COL4A6: variants seen among roughly 807,000 people sequenced by gnomAD.
COL4A6 encodes the protein collagen type IV alpha 6 chain, also known as collagen alpha-6(IV) chain.
A neutral mutation model predicts 126.7 loss-of-function variants in COL4A6; 59 were observed. The observed-to-expected ratio is 0.47, with a 90% CI of 0.38 to 0.58. The LOEUF (loss-of-function observed/expected upper bound fraction) is 0.58. Ranked by LOEUF, COL4A6 falls within the 20% of genes least tolerant of loss-of-function variation. COL4A6 has a pLI of 0.00. For missense variants in COL4A6, 1,285 were observed against 1,337.3 expected, an observed-to-expected ratio of 0.96 and a Z score of 0.61; for synonymous variants, 547 against 496.6, an observed-to-expected ratio of 1.10 and a Z score of -1.35.
At chrX:108,365,359 A>G (rs1181964344) in intron 2 of COL4A6, among the ~76,000 whole-genome samples, 2 of 112,221 alleles carry the variant, frequency 1.8e-5, no homozygotes, top group Admixed American at 9.5e-5. Flanking sequence ...GATGAAAGGA[A>G]GGAAGCAATG....
intron 3 of COL4A6, among the ~76,000 whole-genome samples, chrX:108,279,116 T>A (rs2037716236): frequency 8.9e-6 from 1 of 111,929 alleles, no homozygotes; most frequent in African/African-American, 3.3e-5. Context: ...AACATCATCA[T>A]GACAGGATCA....
At chrX:108,393,653 C>T (rs557310324) in intron 2 of COL4A6, among the ~76,000 whole-genome samples, 24 of 112,497 alleles carry the variant, frequency 2.1e-4, no homozygotes, top group African/African-American at 7.4e-4. Context: ...TGAATTACAT[C>T]TCAATAAAGC....
intron 3 of COL4A6, among the ~76,000 whole-genome samples, chrX:108,308,060 AGTCTGT>A (rs961845987): frequency 1.8e-5 from 2 of 111,869 alleles, no homozygotes; most frequent in African/African-American, 6.5e-5. Context: ...GACAGTGTGG[AGTCTGT>A]GTCTTTTAAA....
At chrX:108,375,216 T>A (rs770630499) in intron 2 of COL4A6, among the ~76,000 whole-genome samples, 10 of 111,714 alleles carry the variant, frequency 9.0e-5, no homozygotes, top group Non-Finnish European at 1.9e-4. Context: ...TTTTCAATCA[T>A]TTTGATGGTG....
At chrX:108,220,264 C>T (rs1050352700) in intron 4 of COL4A6, among the ~76,000 whole-genome samples, 2 of 112,252 alleles carry the variant, frequency 1.8e-5, no homozygotes, top group Non-Finnish European at 3.8e-5. Flanking sequence ...CTTTGCACAG[C>T]CTTTTCTTCT....
intron 3 of COL4A6, among the ~76,000 whole-genome samples, chrX:108,223,727 T>C (rs2036085467): frequency 9.0e-6 from 1 of 111,212 alleles, no homozygotes; most frequent in Non-Finnish European, 1.9e-5. Flanking sequence ...TCAAGAAGCA[T>C]TCAGGATAAC....
chrX:108,358,568 T>C (rs1054488479), intron 2 of COL4A6, among the ~76,000 whole-genome samples: 4 of 110,419 alleles, frequency 3.6e-5, no homozygotes, highest in Admixed American at 1.9e-4. Flanking sequence ...CTAATTTTTG[T>C]ATTTTTATTA....
intron 2 of COL4A6, among the ~76,000 whole-genome samples, chrX:108,367,032 C>T (rs770232546): frequency 1.8e-5 from 2 of 112,147 alleles, no homozygotes; most frequent in Non-Finnish European, 3.8e-5. Flanking sequence ...TGAAGCTCTA[C>T]GGAACTCAGA....
intron 2 of COL4A6, among the ~76,000 whole-genome samples, chrX:108,365,623 C>A (rs1164238907): frequency 8.9e-6 from 1 of 112,103 alleles, no homozygotes; most frequent in Non-Finnish European, 1.9e-5. Context: ...CTGCTAAATG[C>A]CCTAAAAGTC....
At chrX:108,316,310 A>G (rs753538364) in intron 2 of COL4A6, among the ~76,000 whole-genome samples, 6 of 112,167 alleles carry the variant, frequency 5.3e-5, no homozygotes, top group Non-Finnish European at 1.1e-4. Flanking sequence ...TAGTGGCAGT[A>G]TCATACAGCC....
At position 108,211,756 on chromosome X, in the gene COL4A6, T is replaced by TA; in HGVS notation, c.442-17dup. 4 of 1,188,059 alleles carry TA rather than the reference T, an allele frequency of 3.4e-6. No individual in the cohort carries two copies. The highest frequency in any genetic ancestry group is 4.6e-6 in the Non-Finnish European group (4 of 874,496). On this transcript the variant is annotated splice_polypyrimidine_tract_variant and intron_variant, in intron 6 of 44. Coordinates refer to ENST00000334504, the MANE Select transcript of COL4A6 (RefSeq NM_033641.4). The stretch of plus-strand genomic sequence containing the variant: ...CAGGAAGCCCCTGAGTAAAATAGTT[T>TA]AAAAAATTGAAGAAATACACACACT...
At chrX:108,437,404 C>A (rs1172197338) in intron 2 of COL4A6, among the ~76,000 whole-genome samples, 1 of 111,714 alleles carries the variant, frequency 9.0e-6, no homozygotes, top group Non-Finnish European at 1.9e-5. Context: ...TAACACGACA[C>A]ATCAGACAGA....
chrX:108,241,103 T>C (rs368472408), intron 3 of COL4A6, among the ~76,000 whole-genome samples: 14 of 110,994 alleles, frequency 1.3e-4, no homozygotes, highest in African/African-American at 4.6e-4. Flanking sequence ...ATAAATATCA[T>C]ATAATTTAGA....
chrX:108,400,161 G>T (rs1024788556), intron 2 of COL4A6, among the ~76,000 whole-genome samples: 2 of 111,458 alleles, frequency 1.8e-5, no homozygotes, highest in Non-Finnish European at 3.8e-5. Flanking sequence ...TGATTTCTTT[G>T]CCCTCTTTAC....
chrX:108,404,706 T>C (rs1239615531), intron 2 of COL4A6, among the ~76,000 whole-genome samples: 1 of 111,944 alleles, frequency 8.9e-6, no homozygotes, highest in Non-Finnish European at 1.9e-5. Context: ...ATACCTCATC[T>C]GGCATGCATC....
intron 2 of COL4A6, among the ~76,000 whole-genome samples, chrX:108,328,988 CAT>C (rs2039229551): frequency 9.0e-6 from 1 of 111,665 alleles, no homozygotes; most frequent in South Asian, 3.8e-4. Flanking sequence ...CACATGATCT[CAT>C]GTGTGAAATC....
At chrX:108,192,001 T>C (rs1209283512) in intron 18 of COL4A6, among the ~76,000 whole-genome samples, 1 of 112,139 alleles carries the variant, frequency 8.9e-6, no homozygotes, top group Non-Finnish European at 1.9e-5. Flanking sequence ...CATGTCACTA[T>C]AGAATGACAT....
chrX:108,227,860 G>A (rs2036210832), intron 3 of COL4A6, among the ~76,000 whole-genome samples: 1 of 111,960 alleles, frequency 8.9e-6, no homozygotes. Flanking sequence ...GCTTTGGAAA[G>A]CCCCTAGCCA....
Position 108,279,791 on chromosome X carries a change from A to G in COL4A6, c.144+30957T>C, listed in dbSNP as rs762944702. On this transcript the variant is annotated intron_variant, in intron 3 of 44. Coordinates refer to ENST00000334504, the MANE Select transcript of COL4A6 (RefSeq NM_033641.4). ...AAAAGATCAGAAATTATAACAAACT[A>G]TCTCTCAGACCACAGTGCAATCAAA... Among the ~76,000 whole-genome samples, 170 of 111,948 alleles carry G rather than the reference A, an allele frequency of 1.5e-3. 1 individual carries two copies. The highest frequency in any genetic ancestry group is 5.3e-3 in the African/African-American group (163 of 30,827).
Sources: allele counts gnomAD v4.1 joint callset (sites outside exome capture counted in the v4.1 genomes callset), GRCh38; gene constraint gnomAD v4.1.1; transcripts MANE v1.5; gene names NCBI Gene and HGNC (gene_info 2026-07-23, HGNC 2026-07-21).